The following PTPRD variants were observed in gnomAD, a reference collection of about 807,000 sequenced individuals.
PTPRD encodes the protein protein tyrosine phosphatase receptor type D.
PTPRD carries 34 observed loss-of-function variants against 214.5 expected under a neutral mutation model. The ratio of observed to expected loss-of-function variants is 0.16; its 90% CI spans 0.12 to 0.21. The LOEUF (loss-of-function observed/expected upper bound fraction) is 0.21, where lower values mean the gene tolerates loss of function less well. Ranked by LOEUF, PTPRD falls within the 10% of genes least tolerant of loss-of-function variation. The pLI, the probability that PTPRD is intolerant of heterozygous loss-of-function variation, is 1.00. For missense variants in PTPRD, 2,545 were observed against 2,398.7 expected (o/e 1.06, Z -1.27); for synonymous variants, 1,128 against 845.7 (o/e 1.33, Z -5.79).
At chr9:10,555,338 C>T (rs779807252) in intron 2 of PTPRD, among the ~76,000 whole-genome samples, 2 of 152,202 alleles carry the variant, frequency 1.3e-5, no homozygotes, top group South Asian at 2.1e-4. Flanking sequence ...ATTCGCAAAA[C>T]GTTTTATCAT....
At chr9:9,576,127 A>T (rs1195056158) in intron 7 of PTPRD, among the ~76,000 whole-genome samples, 1 of 152,042 alleles carries the variant, frequency 6.6e-6, no homozygotes, top group African/African-American at 2.4e-5. Context: ...GTTTTGGGAG[A>T]CTGTGTTTTT....
chr9:9,656,813 T>C lies in PTPRD; in HGVS notation c.-287+77720A>G, dbSNP rs910839430. ...ATAGGTTCATCAATTGTAACAAATG[T>C]ACTTCTCTGGTGGGGGATGTTGATA... On this transcript the variant is annotated intron_variant, in intron 7 of 45. Transcript: ENST00000381196. 9.2e-5 allele frequency among the ~76,000 whole-genome samples: 14 copies of C among 152,110 alleles called. 1 individual carries two copies. Among genetic ancestry groups the C allele is most frequent in the African/African-American group, 3.4e-4 (14 of 41,434 alleles).
At chr9:10,427,873 T>C (rs1329290305) in intron 2 of PTPRD, among the ~76,000 whole-genome samples, 47 of 152,094 alleles carry the variant, frequency 3.1e-4, no homozygotes, top group Non-Finnish European at 1.5e-5. Context: ...AACTGATATA[T>C]TTTTTAATAA....
intron 30 of PTPRD, among the ~76,000 whole-genome samples, chr9:8,482,579 A>G (rs185404545): frequency 1.4e-3 from 207 of 152,262 alleles, no homozygotes; most frequent in Middle Eastern, 6.8e-3. Context: ...CTTATTCCAA[A>G]CAGGTAGCAC....
At position 10,160,109 on chromosome 9, in the gene PTPRD, A is replaced by T. The variant is rs537280370; in HGVS notation, c.-544-126319T>A. Among the ~76,000 whole-genome samples, 9 of 152,198 alleles carry T rather than the reference A, an allele frequency of 5.9e-5. No individual in the cohort carries two copies. In the East Asian group the frequency reaches 9.6e-4, roughly 16 times the overall value. ...CAAAAAGAAACCCACTTCACCAATA[A>T]AGGCACATGTAGACTGAAAATGAAT... On this transcript the variant is annotated intron_variant, in intron 3 of 45. Coordinates refer to ENST00000381196, the MANE Select transcript of PTPRD (RefSeq NM_002839.4).
chr9:8,599,619 T>C lies in PTPRD; in HGVS notation c.352+33698A>G, dbSNP rs2094704290. Among the ~76,000 whole-genome samples, 3 of 104,330 alleles carry C rather than the reference T, an allele frequency of 2.9e-5. No individual in the cohort carries two copies. In the South Asian group the frequency reaches 1.2e-3, roughly 40 times the overall value. 68.4% of individuals were successfully genotyped at this position (104,330 alleles called of 152,430 possible). A position where few individuals can be genotyped will look rare whatever the true frequency, so the allele number is the denominator to read the frequency against. On this transcript the variant is annotated intron_variant, in intron 14 of 45. Coordinates refer to ENST00000381196, the MANE Select transcript of PTPRD (RefSeq NM_002839.4). ...TTTCCCCCACCCGCCCACCCTTTTT[T>C]TTTTTTTTTTTTTTTTTTTTTGAAA...
chr9:8,963,954 G>A (rs2099172487), intron 11 of PTPRD, among the ~76,000 whole-genome samples: 1 of 151,998 alleles, frequency 6.6e-6, no homozygotes, highest in Non-Finnish European at 1.5e-5. Flanking sequence ...TGGTTTGCTT[G>A]TATTTTGTTG....
intron 8 of PTPRD, among the ~76,000 whole-genome samples, chr9:9,484,835 T>C (rs2095561580): frequency 6.6e-6 from 1 of 152,144 alleles, no homozygotes; most frequent in Admixed American, 6.5e-5. Context: ...TAGGTCTCTA[T>C]ATACCCGGTT....
chr9:9,833,521 T>C (rs2055669120), intron 5 of PTPRD, among the ~76,000 whole-genome samples: 1 of 151,696 alleles, frequency 6.6e-6, no homozygotes, highest in South Asian at 2.1e-4. Flanking sequence ...CCATTGTCAT[T>C]GATAACATCT....
chr9:10,500,471 T>C (rs2043317592), intron 2 of PTPRD, among the ~76,000 whole-genome samples: 1 of 151,994 alleles, frequency 6.6e-6, no homozygotes, highest in South Asian at 2.1e-4. Context: ...ATGTTGATAC[T>C]GGCATGTAAT....
At chr9:10,210,742 T>A (rs528162318) in intron 3 of PTPRD, among the ~76,000 whole-genome samples, 3 of 116,324 alleles carry the variant, frequency 2.6e-5, no homozygotes, top group African/African-American at 8.4e-5. Context: ...AAAATGCTTA[T>A]ATATATTTAA....
intron 3 of PTPRD, among the ~76,000 whole-genome samples, chr9:10,154,137 A>G (rs1346203533): frequency 6.6e-6 from 1 of 151,970 alleles, no homozygotes; most frequent in Non-Finnish European, 1.5e-5. Flanking sequence ...AGCATCTGTA[A>G]TTTTTTGACT....
chr9:8,825,233 G>A (rs2097152346), intron 11 of PTPRD, among the ~76,000 whole-genome samples: 1 of 152,152 alleles, frequency 6.6e-6, no homozygotes, highest in South Asian at 2.1e-4. Flanking sequence ...TTTAGGCAAG[G>A]TATGTGGCCA....
At chr9:8,768,978 AG>A (rs1482237429) in intron 11 of PTPRD, among the ~76,000 whole-genome samples, 7 of 152,196 alleles carry the variant, frequency 4.6e-5, no homozygotes, top group Non-Finnish European at 8.8e-5. Context: ...CCGTGTTTCA[AG>A]GGTGTTTGTG....
intron 2 of PTPRD, among the ~76,000 whole-genome samples, chr9:10,438,727 A>G (rs2098738994): frequency 6.6e-6 from 1 of 151,840 alleles, no homozygotes; most frequent in African/African-American, 2.4e-5. Flanking sequence ...GAGAAAAAAT[A>G]TAAACTTTTA....
intron 3 of PTPRD, among the ~76,000 whole-genome samples, chr9:10,125,630 G>A (rs945532506): frequency 1.4e-5 from 2 of 147,308 alleles, no homozygotes; most frequent in African/African-American, 5.2e-5. Flanking sequence ...AATTGTGTGT[G>A]TGTGTGTGTG....
At chr9:9,762,598 A>T (rs1005273906) in intron 6 of PTPRD, among the ~76,000 whole-genome samples, 1 of 152,226 alleles carries the variant, frequency 6.6e-6, no homozygotes, top group African/African-American at 2.4e-5. Flanking sequence ...TCCACAAAAC[A>T]CTAGAACACT....
intron 3 of PTPRD, among the ~76,000 whole-genome samples, chr9:10,050,135 G>A (rs1172370794): frequency 1.3e-5 from 2 of 152,090 alleles, no homozygotes; most frequent in Admixed American, 6.6e-5. Context: ...AGAAGATTGT[G>A]GCATGGGGCC....
At chr9:9,921,206 T>C (rs1483969184) in intron 5 of PTPRD, among the ~76,000 whole-genome samples, 1 of 152,152 alleles carries the variant, frequency 6.6e-6, no homozygotes, top group Non-Finnish European at 1.5e-5. Flanking sequence ...ATTAACTGCT[T>C]TTCAAAAGTG....
Sources: gnomAD v4.1 joint callset for allele counts (sites outside exome capture counted in the v4.1 genomes callset) on GRCh38, gnomAD v4.1.1 for gene constraint, MANE v1.5 for transcripts, NCBI Gene and HGNC (gene_info 2026-07-23, HGNC 2026-07-21) for gene names.